Variants in WIPF2 observed in about 807,000 individuals in gnomAD.
The protein encoded by WIPF2 is WAS/WASL-interacting protein family member 2.
A neutral mutation model predicts 38.8 loss-of-function variants in WIPF2; 23 were observed. That is an observed-to-expected ratio of 0.59 (90% CI 0.43 to 0.84). The LOEUF (loss-of-function observed/expected upper bound fraction) is 0.84. Among genes scored for constraint, WIPF2 ranks in the 40% least tolerant of loss-of-function variants. The pLI, the probability that WIPF2 is intolerant of heterozygous loss-of-function variation, is 0.00. For missense variants in WIPF2, 574 were observed against 580.5 expected (o/e 0.99, Z 0.11); for synonymous variants, 210 against 223.2 (o/e 0.94, Z 0.53).
Position 40,264,632 on chromosome 17 carries a change from G to A in WIPF2, c.456G>A (p.Gln152=). The change falls in exon 5 of 8, where the codon CAG becomes CAA. Residue 152 remains glutamine, a synonymous_variant. Coordinates refer to ENST00000323571, the MANE Select transcript of WIPF2 (RefSeq NM_133264.5). The part of the protein sequence containing the change: ...RASLPELPRM[Q]RPSLPDLSRP... Reference sequence around the variant, plus strand: ...CACTCCCAGAACTGCCCCGGATGCAGAGACCCTCTTTACCGGACCTCTCTC... The same window carrying A: ...CACTCCCAGAACTGCCCCGGATGCAAAGACCCTCTTTACCGGACCTCTCTC... The A allele has an allele frequency of 6.2e-7, 1 of 1,614,098 alleles. No homozygotes were observed.
chr17:40,245,436 G>T (rs560871716), intron 1 of WIPF2, among the ~76,000 whole-genome samples: 3 of 151,482 alleles, frequency 2.0e-5, no homozygotes, highest in Admixed American at 2.0e-4. Context: ...TCCACCTCCC[G>T]GGTTCAAGTG....
chr17:40,262,127 C>A (rs1194069577), intron 3 of WIPF2, among the ~76,000 whole-genome samples: 1 of 142,706 alleles, frequency 7.0e-6, no homozygotes, highest in African/African-American at 2.6e-5. Context: ...GTTGCTCAGG[C>A]TGGAGTGCAG....
chr17:40,279,593 T>TCC lies in WIPF2; in HGVS notation c.*1371_*1372dup, dbSNP rs1252991761. 1 of 152,246 alleles carries TCC rather than the reference T, an allele frequency of 6.6e-6. No individual in the cohort carries two copies. The highest frequency in any genetic ancestry group is 1.5e-5 in the Non-Finnish European group (1 of 67,998). The allele number at this position is 152,246 out of a possible 1,614,324, so 9.4% of individuals were successfully genotyped here. On this transcript the variant is annotated 3_prime_UTR_variant, in exon 8 of 8. Coordinates refer to ENST00000323571, the MANE Select transcript of WIPF2 (RefSeq NM_133264.5). ...CTAAAGAGCACAGAGAAAATGGAGG[T>TCC]CCCCAGTCTAGGTAGGAAGCTGATT...
chr17:40,244,765 C>A (rs567840115), intron 1 of WIPF2, among the ~76,000 whole-genome samples: 1 of 152,250 alleles, frequency 6.6e-6, no homozygotes, highest in South Asian at 2.1e-4. Flanking sequence ...CTCTAACACA[C>A]CAACTACATT....
chr17:40,225,796 A>G (rs2030456948), intron 1 of WIPF2, among the ~76,000 whole-genome samples: 1 of 152,094 alleles, frequency 6.6e-6, no homozygotes, highest in Admixed American at 6.6e-5. Flanking sequence ...AGCTGGGACT[A>G]CAGGCGCACG....
At chr17:40,260,492 AG>A (rs2031862082) in intron 2 of WIPF2, 42 bp from the exon 3 acceptor site, 1 of 1,605,038 alleles carries the variant, frequency 6.2e-7, no homozygotes, top group Admixed American at 1.7e-5. Context: ...CGGCCGATAA[AG>A]GGAACTCTTT....
chr17:40,253,065 CTTTTTTTT>C (rs767389253), intron 1 of WIPF2, among the ~76,000 whole-genome samples: 1 of 130,630 alleles, frequency 7.7e-6, no homozygotes, highest in Non-Finnish European at 1.6e-5. Flanking sequence ...CGCGCCTGGA[CTTTTTTTT>C]TTTTTTTGAG....
In WIPF2 at chr17:40,279,203, C is replaced by G. The variant is rs186473405; in HGVS notation, c.*978C>G. On this transcript the variant is annotated 3_prime_UTR_variant, in exon 8 of 8. Transcript: ENST00000323571. ...TGACTGGCCCTGAAGTTGTCAGTGGCTCTTTCTGTCCTTCAGCCCCTGGAA... is the reference window on the plus strand; with the variant it reads ...TGACTGGCCCTGAAGTTGTCAGTGGGTCTTTCTGTCCTTCAGCCCCTGGAA... 10 of 152,366 alleles carry G rather than the reference C, an allele frequency of 6.6e-5. No homozygotes were observed. Among genetic ancestry groups the G allele is most frequent in the Admixed American group, 6.5e-4 (10 of 15,302 alleles). The allele number at this position is 152,366 out of a possible 1,614,324, so 9.4% of individuals were successfully genotyped here. A position where few individuals can be genotyped will look rare whatever the true frequency, so the allele number is the denominator to read the frequency against.
In WIPF2 at chr17:40,264,646, C is replaced by T. The variant is rs971779248; in HGVS notation, c.470C>T (p.Pro157Leu). Reference sequence around the variant, plus strand: ...CCCCGGATGCAGAGACCCTCTTTACCGGACCTCTCTCGGCCTAATACCACC... The same window carrying T: ...CCCCGGATGCAGAGACCCTCTTTACTGGACCTCTCTCGGCCTAATACCACC... ...ELPRMQRPSLPDLSRPNTTSS... is the reference protein window; with the variant it reads ...ELPRMQRPSLLDLSRPNTTSS... The change falls in exon 5 of 8, where the codon CCG becomes CTG. Residue 157 changes from proline (P) to leucine (L), a missense_variant. Physicochemically the swap from Pro to Leu is moderately conservative, Grantham distance 98 (BLOSUM62 -3). Transcript: ENST00000323571. 9.9e-6 allele frequency: 16 copies of T among 1,613,764 alleles called. No homozygotes were observed. The highest frequency in any genetic ancestry group is 1.6e-4 in the Middle Eastern group (1 of 6,082).
intron 1 of WIPF2, among the ~76,000 whole-genome samples, chr17:40,234,451 AC>A (rs1281981784): frequency 2.6e-5 from 4 of 151,468 alleles, no homozygotes; most frequent in African/African-American, 9.7e-5. Flanking sequence ...AAACAAACAA[AC>A]AAAAAAAACA....
At chr17:40,273,064 C>CT (rs1275181498) in intron 5 of WIPF2, among the ~76,000 whole-genome samples, 4 of 152,192 alleles carry the variant, frequency 2.6e-5, no homozygotes, top group African/African-American at 7.2e-5. Flanking sequence ...GATGGAGTCT[C>CT]TCTCTGTTGC....
chr17:40,269,643 C>T (rs1277015677), intron 5 of WIPF2, among the ~76,000 whole-genome samples: 61 of 112,486 alleles, frequency 5.4e-4, no homozygotes, highest in African/African-American at 2.0e-3. Context: ...CTTGCTCTGT[C>T]GCCCAGGCTG....
In WIPF2 at chr17:40,283,153, T is replaced by TAAAAAAAAAAAAA. The variant is rs71152662; in HGVS notation, c.*4955_*4967dup. ...CTGAGCTGAGATCATGCCACTGCAC[T>TAAAAAAAAAAAAA]AAAAAAAAAAAAAAAAAAAAAAAAA... On this transcript the variant is annotated 3_prime_UTR_variant, in exon 8 of 8. Transcript: ENST00000323571. The TAAAAAAAAAAAAA allele has an allele frequency of 6.9e-4, 12 of 17,358 alleles. 4 individuals are homozygous for TAAAAAAAAAAAAA. The highest frequency in any genetic ancestry group is 1.1e-3 in the Non-Finnish European group (11 of 9,574). The allele number at this position is 17,358 out of a possible 1,614,324, so 1.1% of individuals were successfully genotyped here. A position where few individuals can be genotyped will look rare whatever the true frequency, so the allele number is the denominator to read the frequency against.
At chr17:40,239,427 C>T (rs2031102520) in intron 1 of WIPF2, among the ~76,000 whole-genome samples, 1 of 151,918 alleles carries the variant, frequency 6.6e-6, no homozygotes, top group African/African-American at 2.4e-5. Flanking sequence ...AGTGGTGGAC[C>T]CTACTATAGG....
intron 1 of WIPF2, among the ~76,000 whole-genome samples, chr17:40,231,832 T>G (rs2030753546): frequency 6.6e-6 from 1 of 152,066 alleles, no homozygotes; most frequent in African/African-American, 2.4e-5. Context: ...AGAGCTGTTT[T>G]TTTTTGGTCA....
At chr17:40,221,549 C>T (rs921576559) in intron 1 of WIPF2, among the ~76,000 whole-genome samples, 12 of 151,782 alleles carry the variant, frequency 7.9e-5, no homozygotes, top group Non-Finnish European at 1.6e-4. Flanking sequence ...TTCTGGGCAA[C>T]GTAGCAATAC....
intron 1 of WIPF2, among the ~76,000 whole-genome samples, chr17:40,241,126 A>G (rs1038371956): frequency 2.0e-5 from 3 of 152,116 alleles, no homozygotes; most frequent in African/African-American, 7.2e-5. Flanking sequence ...CTCCTTTAGC[A>G]TAGTGTTTTC....
chr17:40,252,900 A>T (rs901424407), intron 1 of WIPF2, among the ~76,000 whole-genome samples: 2 of 150,940 alleles, frequency 1.3e-5, no homozygotes, highest in African/African-American at 4.9e-5. Context: ...AGTAGCTGGG[A>T]TTGTAATCCC....
chr17:40,246,994 C>A (rs1223569529), intron 1 of WIPF2, among the ~76,000 whole-genome samples: 1 of 151,504 alleles, frequency 6.6e-6, no homozygotes, highest in African/African-American at 2.4e-5. Context: ...GCCTATAATC[C>A]CAGCTACTTG....
Sources: allele counts gnomAD v4.1 joint callset (sites outside exome capture counted in the v4.1 genomes callset), GRCh38; gene constraint gnomAD v4.1.1; transcripts MANE v1.5; gene names NCBI Gene and HGNC (gene_info 2026-07-23, HGNC 2026-07-21).